Variants in HTRA4 observed in about 807,000 individuals in gnomAD.
The protein encoded by HTRA4 is HtrA serine peptidase 4.
HTRA4 carries 46 observed loss-of-function variants against 49.1 expected under a neutral mutation model. The ratio of observed to expected loss-of-function variants is 0.94; its 90% CI spans 0.74 to 1.20. The LOEUF is 1.20. HTRA4 is among the 50% of genes most tolerant of loss of function. The pLI is 0.00. For synonymous variants in HTRA4, 261 were observed against 264.0 expected (o/e 0.99, Z 0.11); for missense variants, 602 against 636.9 (o/e 0.95, Z 0.59).
In HTRA4 at chr8:38,981,786, T is replaced by C. The variant is rs746366540; in HGVS notation, c.1114+19T>C. 1.3e-6 allele frequency: 2 copies of C among 1,546,050 alleles called. No individual in the cohort carries two copies. Among genetic ancestry groups the C allele is most frequent in the Non-Finnish European group, 8.9e-7 (1 of 1,125,902 alleles). On this transcript the variant is annotated intron_variant, in intron 6 of 8. Coordinates refer to ENST00000302495, the MANE Select transcript of HTRA4 (RefSeq NM_153692.4). ...ATGAAAGGTAAAGCAAGTTGGGATT[T>C]TTTTTTTTTTGGTTTCGTCTTGTGC...
chr8:38,988,073 C>T lies in HTRA4; in HGVS notation c.1406C>T (p.Thr469Ile). 1.9e-6 allele frequency: 3 copies of T among 1,603,064 alleles called. No homozygotes were observed. Among genetic ancestry groups the T allele is most frequent in the Non-Finnish European group, 2.5e-6 (3 of 1,176,810 alleles). The change falls in exon 9 of 9, where the codon ACA (threonine) becomes ATA (isoleucine). Residue 469 changes from threonine to isoleucine, a missense_variant. By Grantham distance (89) the Thr-to-Ile change is moderately conservative. Coordinates refer to ENST00000302495, the MANE Select transcript of HTRA4 (RefSeq NM_153692.4). ...VLRGKDNLLL[T>I]VIPETIN ...CGGGGAAAAGATAATTTGCTCCTGACAGTCATACCTGAAACAATCAATTAA... is the reference window on the plus strand; with the variant it reads ...CGGGGAAAAGATAATTTGCTCCTGATAGTCATACCTGAAACAATCAATTAA...
At chr8:38,981,196 C>T (rs1835418782) in intron 5 of HTRA4, among the ~76,000 whole-genome samples, 1 of 149,188 alleles carries the variant, frequency 6.7e-6, no homozygotes. Context: ...TCTCCTGCCT[C>T]AGCCTCCCGA....
rs935460232 is a variant in HTRA4 at position 38,977,866 on chromosome 8, T to C, written c.772-87T>C. 7 of 1,356,872 alleles carry C rather than the reference T, an allele frequency of 5.2e-6. No homozygotes were observed. In the Admixed American group the frequency reaches 1.0e-4, roughly 20 times the overall value. 84.1% of individuals were successfully genotyped at this position (1,356,872 alleles called of 1,614,324 possible). On this transcript the variant is annotated intron_variant, in intron 3 of 8. Transcript: ENST00000302495. ...AAGGTGATAGAGACAGCGTCATATA[T>C]GTGTTAGACACACACTTTGGTCAAT...
At position 38,974,902 on chromosome 8, in the gene HTRA4, A is replaced by G. The variant is rs561016438; in HGVS notation, c.467-129A>G. The G allele has an allele frequency of 8.9e-6, 11 of 1,236,674 alleles. No homozygotes were observed. In the African/African-American group the frequency reaches 1.5e-4, roughly 17 times the overall value. The allele number at this position is 1,236,674 out of a possible 1,614,324, so 76.6% of individuals were successfully genotyped here. On this transcript the variant is annotated intron_variant, in intron 1 of 8. Coordinates refer to ENST00000302495, the MANE Select transcript of HTRA4 (RefSeq NM_153692.4). ...CTTTCCTCCTTAACAGGGGCTCTTT[A>G]CCGGCTGCTACGTGGTTTCTCCCTC...
intron 2 of HTRA4, 35 bp from the exon 3 acceptor site, chr8:38,976,500 T>C: frequency 1.2e-6 from 2 of 1,604,486 alleles, no homozygotes; most frequent in Non-Finnish European, 1.7e-6. Flanking sequence ...CTAACTTTCT[T>C]GCCCTCTGTT....
At chr8:38,985,455 G>C (rs755088869) in intron 8 of HTRA4, among the ~76,000 whole-genome samples, 2 of 152,144 alleles carry the variant, frequency 1.3e-5, no homozygotes, top group Admixed American at 6.5e-5. Flanking sequence ...CACCGCCCGC[G>C]GTCTGTACTT....
chr8:38,981,237 G>C (rs566952945), intron 5 of HTRA4, among the ~76,000 whole-genome samples: 52 of 150,902 alleles, frequency 3.4e-4, no homozygotes, highest in African/African-American at 1.2e-3. Context: ...CCGCCACCAG[G>C]CCCGGCTAAT....
At position 38,981,783 on chromosome 8, in the gene HTRA4, A is replaced by G. The variant is rs774012594; in HGVS notation, c.1114+16A>G. The G allele has an allele frequency of 4.7e-6, 6 of 1,288,328 alleles. No homozygotes were observed. In the African/African-American group the frequency reaches 9.2e-5, roughly 20 times the overall value. The allele number at this position is 1,288,328 out of a possible 1,614,324, so 79.8% of individuals were successfully genotyped here. ...CAGATGAAAGGTAAAGCAAGTTGGG[A>G]TTTTTTTTTTTTTGGTTTCGTCTTG... On this transcript the variant is annotated intron_variant, in intron 6 of 8. Transcript: ENST00000302495.
chr8:38,988,122 ATCT>A lies in HTRA4; in HGVS notation c.*25_*27del, dbSNP rs1483197446. The A allele has an allele frequency of 6.8e-7, 1 of 1,472,592 alleles. No homozygotes were observed. The highest frequency in any genetic ancestry group is 2.8e-5 in the Admixed American group (1 of 35,250). 91.2% of individuals were successfully genotyped at this position (1,472,592 alleles called of 1,614,324 possible). The stretch of plus-strand genomic sequence containing the variant: ...AAATATCTTGTTTTAAAGTGGGATT[ATCT>A]AAAAAAAAAAAAACCAGTTATATCA... On this transcript the variant is annotated 3_prime_UTR_variant, in exon 9 of 9. Coordinates refer to ENST00000302495, the MANE Select transcript of HTRA4 (RefSeq NM_153692.4).
intron 4 of HTRA4, among the ~76,000 whole-genome samples, chr8:38,978,825 T>C (rs1210038038): frequency 6.6e-6 from 1 of 151,728 alleles, no homozygotes; most frequent in Non-Finnish European, 1.5e-5. Flanking sequence ...TGAAACCCTG[T>C]CTCTACTAAA....
Position 38,987,915 on chromosome 8 carries a change from T to C in HTRA4, c.1269-21T>C, listed in dbSNP as rs1835504098. On this transcript the variant is annotated intron_variant, in intron 8 of 8. Transcript: ENST00000302495. ...TTCTTGTTATAGTTTCATGATCCTCTTTTTTTTCTCCCTCTCTCAGCTCTG... is the reference window on the plus strand; with the variant it reads ...TTCTTGTTATAGTTTCATGATCCTCCTTTTTTTCTCCCTCTCTCAGCTCTG... 2.0e-6 allele frequency: 3 copies of C among 1,522,994 alleles called. No individual in the cohort carries two copies. The East Asian group carries it at 7.2e-5, about 37-fold the overall frequency. The allele number at this position is 1,522,994 out of a possible 1,614,324, so 94.3% of individuals were successfully genotyped here.
Position 38,988,130 on chromosome 8 carries a change from A to AAAG in HTRA4, c.*34_*35insGAA. 6.6e-7 allele frequency: 1 copy of AAAG among 1,506,610 alleles called. No homozygotes were observed. Among genetic ancestry groups the AAAG allele is most frequent in the Non-Finnish European group, 8.9e-7 (1 of 1,129,548 alleles). The allele number at this position is 1,506,610 out of a possible 1,614,324, so 93.3% of individuals were successfully genotyped here. On this transcript the variant is annotated 3_prime_UTR_variant, in exon 9 of 9. Transcript: ENST00000302495. ...TGTTTTAAAGTGGGATTATCTAAAA[A>AAAG]AAAAAAAACCAGTTATATCACGTGG...
intron 4 of HTRA4, 89 bp from the exon 5 acceptor site, chr8:38,979,126 T>C (rs1463990371): frequency 8.0e-7 from 1 of 1,252,408 alleles, no homozygotes; most frequent in African/African-American, 1.5e-5. Context: ...GGGCTGCTTT[T>C]GGTAAACTGT....
intron 4 of HTRA4, among the ~76,000 whole-genome samples, chr8:38,978,464 G>A (rs1264742955): frequency 6.6e-6 from 1 of 152,212 alleles, no homozygotes; most frequent in Non-Finnish European, 1.5e-5. Flanking sequence ...CACAAAGCCG[G>A]TCCCTGTGCC....
chr8:38,974,916 G>A, intron 1 of HTRA4, 115 bp from the exon 2 acceptor site: 22 of 1,309,560 alleles, frequency 1.7e-5, no homozygotes, highest in Non-Finnish European at 2.4e-5. Flanking sequence ...GCTGCTACGT[G>A]GTTTCTCCCT....
rs1564179646 is a variant in HTRA4, at chr8:38,981,691, T to G, written c.1038T>G (p.Thr346=). The change falls in exon 6 of 9, where the codon ACT becomes ACG. Residue 346 remains threonine (T), a synonymous_variant. Coordinates refer to ENST00000302495, the MANE Select transcript of HTRA4 (RefSeq NM_153692.4). ...DVIGVNSLRV[T]DGISFAIPSD... ...TTGGCGTCAATTCATTGAGGGTGAC[T>G]GATGGAATCTCCTTTGCAATTCCTT... 6.2e-7 allele frequency: 1 copy of G among 1,613,754 alleles called. No individual in the cohort carries two copies. The highest frequency in any genetic ancestry group is 2.2e-5 in the East Asian group (1 of 44,814).
At chr8:38,978,275 C>T (rs894295678) in intron 4 of HTRA4, 128 bp downstream of exon 4, 1 of 725,462 alleles carries the variant, frequency 1.4e-6, no homozygotes, top group Admixed American at 3.1e-5. Flanking sequence ...GCCCGAGTTC[C>T]ACCTCCTGTC....
intron 8 of HTRA4, among the ~76,000 whole-genome samples, 168 bp from the exon 9 acceptor site, chr8:38,987,768 A>T (rs1310868531): frequency 6.6e-6 from 1 of 152,170 alleles, no homozygotes; most frequent in East Asian, 1.9e-4. Flanking sequence ...TTTTTGCAGC[A>T]TATTTTAGAA....
At chr8:38,976,183 G>A (rs1439001949) in intron 2 of HTRA4, among the ~76,000 whole-genome samples, 1 of 152,202 alleles carries the variant, frequency 6.6e-6, no homozygotes, top group Non-Finnish European at 1.5e-5. Context: ...AGGCCGAGGC[G>A]GGTGGATCAC....
Sources: gnomAD v4.1 joint callset for allele counts (sites outside exome capture counted in the v4.1 genomes callset) on GRCh38, gnomAD v4.1.1 for gene constraint, MANE v1.5 for transcripts, NCBI Gene and HGNC (gene_info 2026-07-23, HGNC 2026-07-21) for gene names.